KMT5B: variants seen among roughly 807,000 people sequenced by gnomAD.
KMT5B encodes lysine methyltransferase 5B, also known as histone-lysine N-methyltransferase KMT5B.
In KMT5B, 10 loss-of-function variants were observed where a neutral mutation model predicts 83.2. The observed-to-expected ratio is 0.12, with a 90% confidence interval of 0.07 to 0.20. The LOEUF is 0.20. Ranked by LOEUF, KMT5B falls within the 10% of genes least tolerant of loss-of-function variation. KMT5B has a pLI of 1.00. For synonymous variants in KMT5B, 349 were observed against 388.8 expected (o/e 0.90, Z 1.20); for missense variants, 753 against 1,067.2 (o/e 0.71, Z 4.10).
intron 2 of KMT5B, among the ~76,000 whole-genome samples, chr11:68,187,432 T>G (rs1027831335): frequency 3.9e-5 from 6 of 152,252 alleles, no homozygotes; most frequent in Non-Finnish European, 5.9e-5. Context: ...CCTTTTTGAT[T>G]TCTTCTTTGA....
At chr11:68,190,240 A>G in intron 1 of KMT5B, 88 bp from the exon 2 acceptor site, 1 of 636,308 alleles carries the variant, frequency 1.6e-6, no homozygotes, top group Non-Finnish European at 2.7e-6. Context: ...AGAAAGATAT[A>G]TAATATTAAA....
At chr11:68,210,766 C>A (rs1391700320) in intron 1 of KMT5B, among the ~76,000 whole-genome samples, 1 of 152,034 alleles carries the variant, frequency 6.6e-6, no homozygotes, top group African/African-American at 2.4e-5. Context: ...GGTGATGGAG[C>A]GGAGGGAGGA....
intron 10 of KMT5B, among the ~76,000 whole-genome samples, chr11:68,163,623 T>C (rs139076085): frequency 2.4e-3 from 363 of 152,182 alleles, no homozygotes; most frequent in Admixed American, 5.0e-3. Context: ...ACTAAGATAA[T>C]ACAAGGGCCA....
At chr11:68,193,077 G>C (rs908491010) in intron 1 of KMT5B, among the ~76,000 whole-genome samples, 21 of 152,176 alleles carry the variant, frequency 1.4e-4, no homozygotes, top group African/African-American at 4.8e-4. Context: ...ATCGAATTAT[G>C]CATTAGTACA....
rs1186305109 is a variant in KMT5B, at chr11:68,171,447, A to G, written c.820+96T>C. On this transcript the variant is annotated intron_variant, in intron 7 of 10. Coordinates refer to ENST00000304363, the MANE Select transcript of KMT5B (RefSeq NM_017635.5). This position sits in a 1 kb window ranked among gnomAD's most constrained non-coding sequence, Gnocchi z 5.1. Reference sequence around the variant, plus strand: ...CATTTCTATTTCAAATTCTCCTTTAAAGGAAGATAAAGGTTTGACTGAGGT... The same window carrying G: ...CATTTCTATTTCAAATTCTCCTTTAGAGGAAGATAAAGGTTTGACTGAGGT... 1 of 1,360,870 alleles carries G rather than the reference A, an allele frequency of 7.3e-7. No homozygotes were observed. Among genetic ancestry groups the G allele is most frequent in the African/African-American group, 1.5e-5 (1 of 67,970 alleles). 84.3% of individuals were successfully genotyped at this position (1,360,870 alleles called of 1,614,324 possible).
chr11:68,202,415 T>C (rs1192329183), intron 1 of KMT5B, among the ~76,000 whole-genome samples: 1 of 152,158 alleles, frequency 6.6e-6, no homozygotes, highest in Non-Finnish European at 1.5e-5. Context: ...ACCCCACTTC[T>C]CCAGCTATAT....
At chr11:68,193,009 T>C (rs922210499) in intron 1 of KMT5B, among the ~76,000 whole-genome samples, 4 of 152,230 alleles carry the variant, frequency 2.6e-5, no homozygotes, top group Non-Finnish European at 5.9e-5. Flanking sequence ...GAGGATATTA[T>C]ACATCACACT....
chr11:68,158,833 C>A lies in KMT5B; in HGVS notation c.1513G>T (p.Ala505Ser). The A allele has an allele frequency of 6.2e-7, 1 of 1,614,190 alleles. No individual in the cohort carries two copies. Among genetic ancestry groups the A allele is most frequent in the Admixed American group, 1.7e-5 (1 of 60,026 alleles). Residue 505 changes from alanine to serine, a missense_variant, in exon 11 of 11, where the codon GCC becomes TCC. Physicochemically the swap from Ala to Ser is moderately conservative, Grantham distance 99 (BLOSUM62 1). This residue lies in a region of KMT5B where 397 missense variants were observed against 395.9 expected (regional missense o/e 1.00). Coordinates refer to ENST00000304363, the MANE Select transcript of KMT5B (RefSeq NM_017635.5). ...GCGTGTCTAGTCAAGCACCCGCTGG[C>A]AACTGCGGCTTGGGCTGGTCCCTCT... ...EPEGPAQAAV[A>S]SGCLTRHAAR...
intron 4 of KMT5B, among the ~76,000 whole-genome samples, chr11:68,178,579 C>G (rs1856602973): frequency 6.6e-6 from 1 of 152,138 alleles, no homozygotes; most frequent in African/African-American, 2.4e-5. Context: ...TCACAGTTGG[C>G]TGCTATGGGC....
chr11:68,166,592 C>A, intron 10 of KMT5B: 1 of 1,006,888 alleles, frequency 9.9e-7, no homozygotes, highest in Non-Finnish European at 1.2e-6. Context: ...TCTTTTCTAA[C>A]AAACTGGCTA....
intron 6 of KMT5B, among the ~76,000 whole-genome samples, chr11:68,172,002 A>C (rs1855880352): frequency 8.5e-6 from 1 of 117,902 alleles, no homozygotes; most frequent in Admixed American, 1.0e-4. Flanking sequence ...GTGTTTTGCA[A>C]GCAGAAAGTA....
rs1448639073 is a variant in KMT5B at position 68,194,367 on chromosome 11, T to C, written c.-76-4215A>G. Among the ~76,000 whole-genome samples the C allele has an allele frequency of 3.9e-5, 6 of 151,920 alleles. No individual in the cohort carries two copies. In the South Asian group the frequency reaches 1.2e-3, roughly 32 times the overall value. ...CCACCATGCCCGCCTAATTTTTGTA[T>C]TTTTTAGTAGAGACAGAGTTTCACC... On this transcript the variant is annotated intron_variant, in intron 1 of 10. Transcript: ENST00000304363.
chr11:68,166,272 G>C, intron 10 of KMT5B: 3 of 1,127,836 alleles, frequency 2.7e-6, no homozygotes, highest in South Asian at 3.5e-5. Context: ...TGCCCATTTA[G>C]GGTTTCTTCT....
chr11:68,183,231 A>G (rs1363307289), intron 3 of KMT5B, among the ~76,000 whole-genome samples: 3 of 151,122 alleles, frequency 2.0e-5, no homozygotes, highest in African/African-American at 4.9e-5. Flanking sequence ...AAAAAAAAAC[A>G]AAGAAAAACA....
intron 10 of KMT5B, 76 bp from the exon 11 acceptor site, chr11:68,159,247 T>C: frequency 1.3e-6 from 2 of 1,493,090 alleles, no homozygotes; most frequent in Non-Finnish European, 1.8e-6. Context: ...AAACCCAGGC[T>C]ATTAGCTACA....
At chr11:68,186,798 T>C (rs947079081) in intron 2 of KMT5B, among the ~76,000 whole-genome samples, 2 of 152,138 alleles carry the variant, frequency 1.3e-5, no homozygotes, top group South Asian at 4.1e-4. Context: ...TGGGGAAGAA[T>C]GAAACACAGA....
rs145888264 is a variant in KMT5B, at chr11:68,157,843, C to T, written c.2503G>A (p.Asp835Asn). The T allele has an allele frequency of 2.5e-5, 40 of 1,613,874 alleles. No homozygotes were observed. The highest frequency in any genetic ancestry group is 8.9e-5 in the East Asian group (4 of 44,892). Residue 835 changes from aspartate to asparagine, a missense_variant, in exon 11 of 11, where the codon GAT (aspartate) becomes AAT (asparagine). Physicochemically the swap from Asp to Asn is conservative, Grantham distance 23 (BLOSUM62 1). Around this residue, in one of 9 missense-constraint regions of KMT5B, gnomAD observed 161 missense variants for 195.1 expected, o/e 0.83. Transcript: ENST00000304363. The part of the protein sequence containing the change: ...STDDSSSSEG[D>N]EEEDDYDDDF... ...TCATCATAGTCATCCTCCTCTTCAT[C>T]GCCCTCAGAAGAGGAGGAATCATCT... is the stretch of plus-strand genomic sequence containing the variant.
At chr11:68,196,030 G>A (rs562143743) in intron 1 of KMT5B, among the ~76,000 whole-genome samples, 91 of 152,162 alleles carry the variant, frequency 6.0e-4, no homozygotes, top group African/African-American at 2.1e-3. Context: ...GGTGGTATGC[G>A]CCTGTAATCC....
chr11:68,211,616 CAA>C (rs776591585), intron 1 of KMT5B, among the ~76,000 whole-genome samples: 4 of 152,198 alleles, frequency 2.6e-5, no homozygotes, highest in Non-Finnish European at 5.9e-5. Flanking sequence ...GACGAGATAA[CAA>C]GAGACTCAAA....
Sources: allele counts gnomAD v4.1 joint callset (sites outside exome capture counted in the v4.1 genomes callset), GRCh38; gene constraint gnomAD v4.1.1; regional missense constraint gnomAD v4.1.1; non-coding constraint Gnocchi (gnomAD v3.1); transcripts MANE v1.5; gene names NCBI Gene and HGNC (gene_info 2026-07-23, HGNC 2026-07-21).